SORL1: variants seen among roughly 807,000 people sequenced by gnomAD.
SORL1 encodes sortilin related receptor 1, also known as sortilin-related receptor.
A neutral mutation model predicts 273.7 loss-of-function variants in SORL1; 127 were observed. The observed-to-expected ratio is 0.46, with a 90% confidence interval of 0.40 to 0.54. The LOEUF (loss-of-function observed/expected upper bound fraction) is 0.54. Among genes scored for constraint, SORL1 ranks in the 20% least tolerant of loss-of-function variants. The probability of loss-of-function intolerance (pLI) is 0.00; values close to 1 mark genes in which losing one functional copy is unlikely to be tolerated. For synonymous variants in SORL1, 1,031 were observed against 1,067.4 expected, an observed-to-expected ratio of 0.97 and a Z score of 0.66; for missense variants, 2,494 against 2,846.1, an observed-to-expected ratio of 0.88 and a Z score of 2.81.
intron 1 of SORL1, among the ~76,000 whole-genome samples, chr11:121,458,163 C>CT (rs1013484543): frequency 5.9e-5 from 9 of 151,962 alleles, no homozygotes; most frequent in African/African-American, 1.4e-4. Context: ...TTTATGTAGT[C>CT]TTTTTTTTAA....
In SORL1 at chr11:121,487,085, A is replaced by G. The variant is rs117635103; in HGVS notation, c.529-947A>G. On this transcript the variant is annotated intron_variant, in intron 3 of 47. Coordinates refer to ENST00000260197, the MANE Select transcript of SORL1 (RefSeq NM_003105.6). The stretch of plus-strand genomic sequence containing the variant: ...GAGTCTCACCTGCCCTGCGAGGCCC[A>G]CCTCTTCCATGGAATCATTTCTCAT... Among the ~76,000 whole-genome samples, 365 of 152,146 alleles carry G rather than the reference A, an allele frequency of 2.4e-3. 12 individuals carry two copies. In the East Asian group the frequency reaches 0.062, roughly 26 times the overall value.
chr11:121,524,013 C>G (rs1045308059), intron 11 of SORL1, among the ~76,000 whole-genome samples: 1 of 152,192 alleles, frequency 6.6e-6, no homozygotes, highest in African/African-American at 2.4e-5. Flanking sequence ...GCAGGGCTTC[C>G]CATCCCTCCC....
intron 34 of SORL1, 39 bp from the exon 35 acceptor site, chr11:121,605,363 G>T: frequency 1.3e-6 from 2 of 1,595,508 alleles, no homozygotes; most frequent in Non-Finnish European, 1.7e-6. Context: ...CCCCCATGCT[G>T]CTCCAGTGTG....
At chr11:121,577,054 G>T in intron 24 of SORL1, 1 of 1,165,146 alleles carries the variant, frequency 8.6e-7, no homozygotes, top group African/African-American at 1.5e-5. Context: ...CAGCTCTAAG[G>T]GTCTGAGGGT....
chr11:121,519,372 G>A (rs762794561), intron 8 of SORL1, among the ~76,000 whole-genome samples: 8 of 151,480 alleles, frequency 5.3e-5, no homozygotes, highest in South Asian at 2.1e-4. Context: ...CAGGGTATCC[G>A]CATGGTAGAT....
In SORL1 at chr11:121,556,516, T is replaced by G. The variant is rs535512765; in HGVS notation, c.2572-798T>G. On this transcript the variant is annotated intron_variant, in intron 18 of 47. Coordinates refer to ENST00000260197, the MANE Select transcript of SORL1 (RefSeq NM_003105.6). The stretch of plus-strand genomic sequence containing the variant: ...GTTATTGCTCTTTCTCTCCTTTCTT[T>G]AATTGCGTGTGGTCAGCACTTGGCT... Among the ~76,000 whole-genome samples the G allele has an allele frequency of 7.9e-5, 12 of 152,324 alleles. No individual in the cohort carries two copies. In the South Asian group the frequency reaches 2.3e-3, roughly 29 times the overall value.
At chr11:121,457,899 C>T (rs1014184177) in intron 1 of SORL1, among the ~76,000 whole-genome samples, 4 of 152,236 alleles carry the variant, frequency 2.6e-5, no homozygotes, top group African/African-American at 7.2e-5. Context: ...TTGGGATCCA[C>T]GAGGCAGATC....
chr11:121,493,619 T>A (rs549381170), intron 5 of SORL1, among the ~76,000 whole-genome samples: 1 of 152,374 alleles, frequency 6.6e-6, no homozygotes, highest in South Asian at 2.1e-4. Flanking sequence ...GCTCTTTATA[T>A]ATTCGAGATT....
At chr11:121,506,313 G>A (rs2134835307) in intron 6 of SORL1, among the ~76,000 whole-genome samples, 1 of 152,224 alleles carries the variant, frequency 6.6e-6, no homozygotes, top group East Asian at 1.9e-4. Context: ...TCATGCTGCT[G>A]ATAAAGACAT....
chr11:121,567,205 C>G (rs1862767720), intron 22 of SORL1, 92 bp downstream of exon 22: 1 of 1,105,540 alleles, frequency 9.0e-7, no homozygotes, highest in African/African-American at 1.6e-5. Context: ...TGTTTCCTAA[C>G]CTTTTCGTGT....
rs970936300 is a variant in SORL1, at chr11:121,465,216, A to G, written c.286-4791A>G. Among the ~76,000 whole-genome samples, 9 of 152,134 alleles carry G rather than the reference A, an allele frequency of 5.9e-5. No individual in the cohort carries two copies. The South Asian group carries it at 1.7e-3, about 28-fold the overall frequency. ...AACCACTAATCAGCTTTCTCTCCCT[A>G]TGGATTTACCTATTCGGGACATTTC... is the stretch of plus-strand genomic sequence containing the variant. On this transcript the variant is annotated intron_variant, in intron 1 of 47. Transcript: ENST00000260197.
At position 121,629,590 on chromosome 11, in the gene SORL1, T is replaced by C. The variant is rs1863846035; in HGVS notation, c.*27T>C. ...AGAGCTTTCCTCACTAGAAACCAAA[T>C]GGTGTAAATATTTTATTTGATAAAG... On this transcript the variant is annotated 3_prime_UTR_variant, in exon 48 of 48. Coordinates refer to ENST00000260197, the MANE Select transcript of SORL1 (RefSeq NM_003105.6). The C allele has an allele frequency of 4.4e-6, 5 of 1,137,658 alleles. No homozygotes were observed. The highest frequency in any genetic ancestry group is 6.7e-6 in the Non-Finnish European group (5 of 745,750). The allele number at this position is 1,137,658 out of a possible 1,614,324, so 70.5% of individuals were successfully genotyped here.
intron 1 of SORL1, among the ~76,000 whole-genome samples, chr11:121,459,593 A>G (rs1218917953): frequency 6.6e-6 from 1 of 152,236 alleles, no homozygotes; most frequent in African/African-American, 2.4e-5. Flanking sequence ...CTGGCTATTC[A>G]TAGGGTGAAC....
chr11:121,608,490 C>T (rs1591351409), intron 38 of SORL1: 1 of 286,020 alleles, frequency 3.5e-6, no homozygotes, highest in South Asian at 6.4e-5. Context: ...GTCCTTCCTT[C>T]TCACCAAAGC....
Position 121,566,943 on chromosome 11 carries a change from G to A in SORL1, c.3053G>A (p.Ser1018Asn). 1 of 1,613,060 alleles carries A rather than the reference G, an allele frequency of 6.2e-7. No homozygotes were observed. The highest frequency in any genetic ancestry group is 1.1e-5 in the South Asian group (1 of 90,872). Residue 1018 changes from serine (S) to asparagine (N), a missense_variant, in exon 22 of 48, where the codon AGC (serine) becomes AAC (asparagine). Coordinates refer to ENST00000260197, the MANE Select transcript of SORL1 (RefSeq NM_003105.6). ...CTGCTGTTTGTCTTCCCTCCAGGAA[G>A]CAATGCCTGTGTGCCCAGGCCATGC... ...KIFYKGKNTG[S>N]NACVPRPCSL...
intron 6 of SORL1, among the ~76,000 whole-genome samples, chr11:121,508,242 C>T (rs894390778): frequency 6.6e-6 from 1 of 152,182 alleles, no homozygotes; most frequent in Non-Finnish European, 1.5e-5. Flanking sequence ...AGGTAAGAGA[C>T]TAGACCCCGT....
At chr11:121,583,662 G>A (rs1863048513) in intron 26 of SORL1, 79 bp downstream of exon 26, 5 of 1,470,144 alleles carry the variant, frequency 3.4e-6, no homozygotes, top group Admixed American at 4.6e-5. Flanking sequence ...AGAGAGCCAG[G>A]GGATGAAATG....
intron 43 of SORL1, 85 bp downstream of exon 43, chr11:121,620,002 G>A: frequency 9.2e-7 from 1 of 1,088,304 alleles, no homozygotes; most frequent in South Asian, 1.4e-5. Flanking sequence ...CTCTAATGGG[G>A]CAAGAAACAC....
chr11:121,585,500 TACACACACACACAC>T (rs58254356), intron 26 of SORL1, among the ~76,000 whole-genome samples: 10 of 137,556 alleles, frequency 7.3e-5, no homozygotes, highest in South Asian at 7.2e-4. Context: ...AAAATGTATA[TACACACACACACAC>T]ACACACACAC....
Sources: gnomAD v4.1 joint callset for allele counts (sites outside exome capture counted in the v4.1 genomes callset) on GRCh38, gnomAD v4.1.1 for gene constraint, MANE v1.5 for transcripts, NCBI Gene and HGNC (gene_info 2026-07-23, HGNC 2026-07-21) for gene names.